KCNK13: variants seen among roughly 807,000 people sequenced by gnomAD.
The protein encoded by KCNK13 is potassium channel subfamily K member 13.
A neutral mutation model predicts 23.4 loss-of-function variants in KCNK13; 12 were observed. That is an observed-to-expected ratio of 0.51 (90% CI 0.33 to 0.83). The LOEUF is 0.83. Among genes scored for constraint, KCNK13 ranks in the 40% least tolerant of loss-of-function variants. KCNK13 has a pLI of 0.02. For missense variants in KCNK13, 463 were observed against 556.3 expected (o/e 0.83, Z 1.69); for synonymous variants, 231 against 229.5 (o/e 1.01, Z -0.06).
intron 1 of KCNK13, among the ~76,000 whole-genome samples, chr14:90,079,001 C>T (rs905474161): frequency 3.3e-5 from 5 of 152,172 alleles, no homozygotes; most frequent in African/African-American, 7.2e-5. Context: ...TACTCTATCC[C>T]GTAGAAGAGG....
intron 1 of KCNK13, among the ~76,000 whole-genome samples, chr14:90,142,858 T>G (rs1253142257): frequency 6.6e-6 from 1 of 152,178 alleles, no homozygotes; most frequent in East Asian, 1.9e-4. Flanking sequence ...ACATAGCACC[T>G]TAACAAAAGA....
intron 1 of KCNK13, among the ~76,000 whole-genome samples, chr14:90,152,513 C>A (rs1890145538): frequency 6.6e-6 from 1 of 151,812 alleles, no homozygotes; most frequent in Non-Finnish European, 1.5e-5. Flanking sequence ...GCAGCCTGGG[C>A]AATAAGAGCA....
chr14:90,125,438 T>A (rs554831952), intron 1 of KCNK13, among the ~76,000 whole-genome samples: 9 of 152,134 alleles, frequency 5.9e-5, no homozygotes, highest in African/African-American at 2.2e-4. Flanking sequence ...TTAGCCAGGA[T>A]GGTCTCAATC....
At position 90,063,126 on chromosome 14, in the gene KCNK13, C is replaced by A. The variant is rs866992223; in HGVS notation, c.334+587C>A. 4.6e-4 allele frequency among the ~76,000 whole-genome samples: 70 copies of A among 152,198 alleles called. No individual in the cohort carries two copies. In the Middle Eastern group the frequency reaches 0.01, roughly 22 times the overall value. On this transcript the variant is annotated intron_variant, in intron 1 of 1. Coordinates refer to ENST00000282146, the MANE Select transcript of KCNK13 (RefSeq NM_022054.4). ...CAGGGAAGTGACCTTTGGGCTGAATCAATTCGTGTTAGGCATAACTTGGGT... is the reference window on the plus strand; with the variant it reads ...CAGGGAAGTGACCTTTGGGCTGAATAAATTCGTGTTAGGCATAACTTGGGT...
At chr14:90,114,250 T>C (rs1889648658) in intron 1 of KCNK13, among the ~76,000 whole-genome samples, 1 of 152,114 alleles carries the variant, frequency 6.6e-6, no homozygotes, top group Non-Finnish European at 1.5e-5. Context: ...TCCCCACGTA[T>C]CTATACTCAG....
At chr14:90,076,737 C>G (rs1165572000) in intron 1 of KCNK13, among the ~76,000 whole-genome samples, 4 of 152,196 alleles carry the variant, frequency 2.6e-5, no homozygotes, top group African/African-American at 9.7e-5. Flanking sequence ...GAGCGTCTCT[C>G]TCTCTGGAAT....
intron 1 of KCNK13, among the ~76,000 whole-genome samples, chr14:90,113,096 G>A (rs1174684969): frequency 6.6e-6 from 1 of 151,768 alleles, no homozygotes; most frequent in Non-Finnish European, 1.5e-5. Context: ...TATATTTTTT[G>A]TAGAGACAGG....
chr14:90,150,116 G>T (rs1206131525), intron 1 of KCNK13, among the ~76,000 whole-genome samples: 1 of 152,142 alleles, frequency 6.6e-6, no homozygotes, highest in Non-Finnish European at 1.5e-5. Flanking sequence ...TCGTGGAATT[G>T]TAATGTTTAA....
intron 1 of KCNK13, among the ~76,000 whole-genome samples, chr14:90,179,715 A>G (rs1045272824): frequency 2.0e-5 from 3 of 152,178 alleles, no homozygotes; most frequent in African/African-American, 7.2e-5. Context: ...GGAATATATT[A>G]CGTATTGAAA....
At chr14:90,163,055 A>G (rs1439811123) in intron 1 of KCNK13, among the ~76,000 whole-genome samples, 2 of 152,244 alleles carry the variant, frequency 1.3e-5, no homozygotes, top group Non-Finnish European at 2.9e-5. Flanking sequence ...CTGCTGGAGA[A>G]ACAACATGCA....
rs760932406 is a variant in KCNK13, at chr14:90,184,700, A to G, written c.924A>G (p.Arg308=). 6.8e-6 allele frequency: 11 copies of G among 1,614,082 alleles called. No individual in the cohort carries two copies. In the African/African-American group the frequency reaches 1.2e-4, roughly 18 times the overall value. The stretch of plus-strand genomic sequence containing the variant: ...CGCAATGCCAGAGAGGACTCTTGCG[A>G]TCACGCAGGAACGTGGTGATGCCAG... ...CCPQCQRGLL[R]SRRNVVMPGS... is the part of the protein sequence containing the mutation. The change falls in exon 2 of 2, where the codon CGA becomes CGG. Residue 308 remains arginine, a synonymous_variant. Coordinates refer to ENST00000282146, the MANE Select transcript of KCNK13 (RefSeq NM_022054.4). This position sits in a 1 kb window ranked among gnomAD's most constrained non-coding sequence, Gnocchi z 5.6.
At chr14:90,098,577 C>T (rs528351737) in intron 1 of KCNK13, among the ~76,000 whole-genome samples, 11 of 151,074 alleles carry the variant, frequency 7.3e-5, no homozygotes, top group African/African-American at 1.5e-4. Flanking sequence ...AGTTATAACC[C>T]GGGAGGTGGA....
intron 1 of KCNK13, among the ~76,000 whole-genome samples, chr14:90,174,498 C>A (rs942896191): frequency 3.9e-5 from 6 of 152,000 alleles, no homozygotes; most frequent in Non-Finnish European, 7.4e-5. Context: ...CAAACCATAT[C>A]ACGTAGATTC....
intron 1 of KCNK13, among the ~76,000 whole-genome samples, chr14:90,160,170 T>G (rs1164971332): frequency 2.0e-5 from 3 of 152,196 alleles, no homozygotes; most frequent in Non-Finnish European, 4.4e-5. Context: ...GTTACTGGCC[T>G]ACAGTAAATA....
At chr14:90,103,861 C>A (rs1039961019) in intron 1 of KCNK13, among the ~76,000 whole-genome samples, 1 of 152,122 alleles carries the variant, frequency 6.6e-6, no homozygotes, top group Non-Finnish European at 1.5e-5. Context: ...CTGCACCAGG[C>A]CCAGACAGTT....
Position 90,117,196 on chromosome 14 carries a change from A to T in KCNK13, c.334+54657A>T, listed in dbSNP as rs146969767. On this transcript the variant is annotated intron_variant, in intron 1 of 1. Coordinates refer to ENST00000282146, the MANE Select transcript of KCNK13 (RefSeq NM_022054.4). ...GGTTACTCATTGACTCAGGGGCAGC[A>T]GTGTATACAGCTGGACAAAGGGATG... Among the ~76,000 whole-genome samples, 329 of 152,336 alleles carry T rather than the reference A, an allele frequency of 2.2e-3. 1 individual carries two copies. Among genetic ancestry groups the T allele is most frequent in the African/African-American group, 7.6e-3 (316 of 41,576 alleles).
intron 1 of KCNK13, among the ~76,000 whole-genome samples, chr14:90,159,182 A>T (rs1263373570): frequency 6.6e-6 from 1 of 152,192 alleles, no homozygotes; most frequent in African/African-American, 2.4e-5. Flanking sequence ...GCCCTTTTAT[A>T]GTCGGCATTA....
intron 1 of KCNK13, among the ~76,000 whole-genome samples, chr14:90,176,070 C>A (rs1356129666): frequency 6.6e-6 from 1 of 152,146 alleles, no homozygotes; most frequent in Non-Finnish European, 1.5e-5. Context: ...AGGAAATAGG[C>A]TTCATCTCTT....
chr14:90,153,168 TC>T (rs1223168666), intron 1 of KCNK13, among the ~76,000 whole-genome samples: 1 of 152,140 alleles, frequency 6.6e-6, no homozygotes, highest in Non-Finnish European at 1.5e-5. Context: ...TTCTCTGACC[TC>T]CCTGACTCTC....
Sources: gnomAD v4.1 joint callset for allele counts (sites outside exome capture counted in the v4.1 genomes callset) on GRCh38, gnomAD v4.1.1 for gene constraint, Gnocchi (gnomAD v3.1) non-coding constraint, MANE v1.5 for transcripts, NCBI Gene and HGNC (gene_info 2026-07-23, HGNC 2026-07-21) for gene names.